DSP: variants seen among roughly 807,000 people sequenced by gnomAD.
DSP encodes desmoplakin, also known as 250/210 kDa paraneoplastic pemphigus antigen.
DSP carries 114 observed loss-of-function variants against 290.6 expected under a neutral mutation model. The observed-to-expected ratio is 0.39, with a 90% confidence interval of 0.34 to 0.46. The LOEUF (loss-of-function observed/expected upper bound fraction) is 0.46, where lower values mean the gene tolerates loss of function less well. Ranked by LOEUF, DSP falls within the 20% of genes least tolerant of loss-of-function variation. The probability of loss-of-function intolerance (pLI) is 0.99; values close to 1 mark genes in which losing one functional copy is unlikely to be tolerated. For synonymous variants in DSP, 1,311 were observed against 1,316.4 expected (o/e 1.00, Z 0.09); for missense variants, 3,230 against 3,495.8 (o/e 0.92, Z 1.92).
chr6:7,565,963 A>G lies in DSP; in HGVS notation c.940-414A>G. The G allele has an allele frequency of 3.0e-6, 1 of 330,524 alleles. No individual in the cohort carries two copies. Among genetic ancestry groups the G allele is most frequent in the Admixed American group, 4.7e-5 (1 of 21,182 alleles). The allele number at this position is 330,524 out of a possible 1,614,324, so 20.5% of individuals were successfully genotyped here. A position where few individuals can be genotyped will look rare whatever the true frequency, so the allele number is the denominator to read the frequency against. ...ACCTGTGTAACAAACCTGCACATGT[A>G]TCCCTGAACTTAAAATAAAAGTTAA... On this transcript the variant is annotated intron_variant, in intron 7 of 23. Coordinates refer to ENST00000379802, the MANE Select transcript of DSP (RefSeq NM_004415.4). The surrounding 1 kb of genome is among the most constrained non-coding windows in gnomAD (Gnocchi z 4.2).
chr6:7,576,933 T>C, intron 19 of DSP, 26 bp from the exon 20 acceptor site: 1 of 1,586,546 alleles, frequency 6.3e-7, no homozygotes, highest in Non-Finnish European at 8.7e-7. Flanking sequence ...GCATTAACAT[T>C]GGTAAATATT....
chr6:7,542,094 C>A lies in DSP; in HGVS notation c.170+9C>A. 1 of 1,556,004 alleles carries A rather than the reference C, an allele frequency of 6.4e-7. No homozygotes were observed. Among genetic ancestry groups the A allele is most frequent in the Non-Finnish European group, 8.7e-7 (1 of 1,150,010 alleles). The stretch of plus-strand genomic sequence containing the variant: ...AACTCGGACGGCTACTGGTGGGTAC[C>A]TGCCCGGAGAGCGCGGGCTGCGGGG... On this transcript the variant is annotated intron_variant, in intron 1 of 23. Coordinates refer to ENST00000379802, the MANE Select transcript of DSP (RefSeq NM_004415.4).
At chr6:7,557,395 G>C (rs1028272239) in intron 2 of DSP, among the ~76,000 whole-genome samples, 1 of 152,144 alleles carries the variant, frequency 6.6e-6, no homozygotes. Context: ...GAACTAAAAC[G>C]TTGGCCAGGC....
chr6:7,547,555 G>C (rs1209085774), intron 1 of DSP, among the ~76,000 whole-genome samples: 1 of 151,898 alleles, frequency 6.6e-6, no homozygotes, highest in Non-Finnish European at 1.5e-5. Context: ...AGCCTCTCGA[G>C]TAGCTTGGGA....
intron 17 of DSP, 148 bp downstream of exon 17, chr6:7,574,943 G>A: frequency 1.9e-6 from 2 of 1,077,430 alleles, no homozygotes; most frequent in East Asian, 2.4e-5. Flanking sequence ...TGTCATCTCT[G>A]TAACTCTGTT....
At position 7,541,872 on chromosome 6, in the gene DSP, G is replaced by T; in HGVS notation, c.-44G>T. On this transcript the variant is annotated 5_prime_UTR_variant, in exon 1 of 24. Transcript: ENST00000379802. ...CGCTTTCTCCGCGCCGGCCCGCCTCGCTTATGCCTCGGCGCTGAGCCGCTC... is the reference window on the plus strand; with the variant it reads ...CGCTTTCTCCGCGCCGGCCCGCCTCTCTTATGCCTCGGCGCTGAGCCGCTC... The T allele has an allele frequency of 1.3e-6, 2 of 1,580,026 alleles. No individual in the cohort carries two copies. Among genetic ancestry groups the T allele is most frequent in the Non-Finnish European group, 8.6e-7 (1 of 1,165,140 alleles).
intron 20 of DSP, 35 bp downstream of exon 20, chr6:7,577,077 C>T (rs771338967): frequency 1.5e-5 from 23 of 1,543,046 alleles, no homozygotes; most frequent in Non-Finnish European, 2.0e-5. Context: ...TGGTATTTCA[C>T]CAAGATTATT....
At chr6:7,557,020 C>T (rs779053857) in intron 2 of DSP, among the ~76,000 whole-genome samples, 5 of 151,784 alleles carry the variant, frequency 3.3e-5, no homozygotes, top group South Asian at 2.1e-4. Context: ...TATGCATCAA[C>T]GTGCAATAAA....
chr6:7,555,910 A>G (rs1187913080), intron 2 of DSP, 90 bp downstream of exon 2: 30 of 1,137,238 alleles, frequency 2.6e-5, no homozygotes, highest in Non-Finnish European at 3.6e-5. Context: ...GGGCCTATTC[A>G]CTGACCTCTT....
At chr6:7,554,637 A>G (rs534814882) in intron 1 of DSP, among the ~76,000 whole-genome samples, 1 of 152,226 alleles carries the variant, frequency 6.6e-6, no homozygotes, top group East Asian at 1.9e-4. Context: ...TACAGGAATT[A>G]CAGAAAATAT....
At chr6:7,567,488 C>A in intron 9 of DSP, 39 bp downstream of exon 9, 1 of 1,472,862 alleles carries the variant, frequency 6.8e-7, no homozygotes, top group Non-Finnish European at 9.5e-7. Context: ...TTATTTAGGT[C>A]TTAATACCTA....
intron 9 of DSP, 145 bp downstream of exon 9, chr6:7,567,594 G>A: frequency 1.7e-6 from 2 of 1,150,700 alleles, no homozygotes; most frequent in Non-Finnish European, 2.5e-6. Flanking sequence ...GCATAGATTT[G>A]CAACCTTGCC....
intron 1 of DSP, among the ~76,000 whole-genome samples, chr6:7,543,779 C>T (rs1280507773): frequency 1.3e-5 from 2 of 152,100 alleles, no homozygotes; most frequent in Non-Finnish European, 2.9e-5. Flanking sequence ...TTTAAATAGA[C>T]AATAATCAGT....
At chr6:7,561,199 G>A (rs1012255669) in intron 4 of DSP, among the ~76,000 whole-genome samples, 6 of 152,108 alleles carry the variant, frequency 3.9e-5, no homozygotes, top group Non-Finnish European at 7.4e-5. Context: ...TGATCCGCCC[G>A]CCTTGGCCTC....
intron 1 of DSP, among the ~76,000 whole-genome samples, chr6:7,547,230 A>C (rs1223877340): frequency 6.6e-6 from 1 of 152,070 alleles, no homozygotes; most frequent in Non-Finnish European, 1.5e-5. Context: ...CACAGATCCT[A>C]AGACTCAGAC....
intron 1 of DSP, among the ~76,000 whole-genome samples, chr6:7,545,109 A>G (rs763100195): frequency 7.9e-5 from 12 of 152,234 alleles, no homozygotes; most frequent in Non-Finnish European, 1.6e-4. Context: ...TGGGAGGATT[A>G]AAAGCAGAAA....
chr6:7,564,291 A>G (rs1413025864), intron 6 of DSP, among the ~76,000 whole-genome samples: 1 of 152,256 alleles, frequency 6.6e-6, no homozygotes, highest in Non-Finnish European at 1.5e-5. Context: ...TCGTCATCAC[A>G]ATTTTATGAC....
Position 7,575,506 on chromosome 6 carries a change from C to A in DSP, c.2630+18C>A, listed in dbSNP as rs145963404. On this transcript the variant is annotated intron_variant, in intron 18 of 23. Coordinates refer to ENST00000379802, the MANE Select transcript of DSP (RefSeq NM_004415.4). ...GACTTTAGGTATGCCAGCCTCCTCC[C>A]GCTCCTTCCCCATCTTCTCCCCTTT... 1.2e-6 allele frequency: 2 copies of A among 1,613,812 alleles called. No homozygotes were observed. The highest frequency in any genetic ancestry group is 2.7e-5 in the African/African-American group (2 of 74,910).
chr6:7,550,349 C>G (rs1164766972), intron 1 of DSP, among the ~76,000 whole-genome samples: 1 of 152,152 alleles, frequency 6.6e-6, no homozygotes, highest in Non-Finnish European at 1.5e-5. Flanking sequence ...GCCACGGCAC[C>G]CAACCTTGTC....
Sources: gnomAD v4.1 joint callset for allele counts (sites outside exome capture counted in the v4.1 genomes callset) on GRCh38, gnomAD v4.1.1 for gene constraint, Gnocchi (gnomAD v3.1) non-coding constraint, MANE v1.5 for transcripts, NCBI Gene and HGNC (gene_info 2026-07-23, HGNC 2026-07-21) for gene names.